RHOBTB1: variants seen among roughly 807,000 people sequenced by gnomAD.
The protein encoded by RHOBTB1 is Rho related BTB domain containing 1.
RHOBTB1 carries 40 observed loss-of-function variants against 71.6 expected under a neutral mutation model. The ratio of observed to expected loss-of-function variants is 0.56; its 90% CI spans 0.43 to 0.73. The LOEUF is 0.73. Ranked by LOEUF, RHOBTB1 falls within the 30% of genes least tolerant of loss-of-function variation. The probability of loss-of-function intolerance (pLI) is 0.00; values close to 1 mark genes in which losing one functional copy is unlikely to be tolerated. For synonymous variants in RHOBTB1, 319 were observed against 334.9 expected, an observed-to-expected ratio of 0.95 and a Z score of 0.52; for missense variants, 797 against 894.0, an observed-to-expected ratio of 0.89 and a Z score of 1.38.
chr10:60,903,852 G>A (rs531398953), intron 4 of RHOBTB1, among the ~76,000 whole-genome samples: 9 of 152,246 alleles, frequency 5.9e-5, no homozygotes, highest in Admixed American at 2.0e-4. Flanking sequence ...AGTGATTTAC[G>A]TTTTCAACGA....
At chr10:60,862,341 G>T in the RHOBTB1 span, among the ~76,000 whole-genome samples, 1 of 152,010 alleles carries the variant, frequency 6.6e-6, no homozygotes, top group African/African-American at 2.4e-5. Flanking sequence ...GAGACTACAG[G>T]TGCCTGCCAC....
At chr10:60,940,127 C>T (rs780722615) in intron 2 of RHOBTB1, among the ~76,000 whole-genome samples, 2 of 151,992 alleles carry the variant, frequency 1.3e-5, no homozygotes, top group South Asian at 2.1e-4. Flanking sequence ...ACAGGACAGA[C>T]GTGTTATAGG....
chr10:60,967,501 A>C (rs2086011830), intron 2 of RHOBTB1, among the ~76,000 whole-genome samples: 1 of 152,000 alleles, frequency 6.6e-6, no homozygotes, highest in African/African-American at 2.4e-5. Context: ...TTCCCTCAAA[A>C]AACAGACCGG....
rs544427831 is a variant in RHOBTB1 at position 60,870,335 on chromosome 10, G to C, written c.*1147C>G. On this transcript the variant is annotated 3_prime_UTR_variant, in exon 11 of 11. Transcript: ENST00000337910. ...CCTTTCCGTGTAGGAGAACGCAGGC[G>C]CCCAGCCTCCAGCTTTGTGCTTTCA... 1.3e-5 allele frequency: 2 copies of C among 152,614 alleles called. No homozygotes were observed. The highest frequency in any genetic ancestry group is 1.9e-4 in the East Asian group (1 of 5,200). 9.5% of individuals were successfully genotyped at this position (152,614 alleles called of 1,614,324 possible). A position where few individuals can be genotyped will look rare whatever the true frequency, so the allele number is the denominator to read the frequency against.
intron 4 of RHOBTB1, among the ~76,000 whole-genome samples, chr10:60,894,662 T>G (rs1274454537): frequency 6.6e-6 from 1 of 152,160 alleles, no homozygotes; most frequent in Non-Finnish European, 1.5e-5. Context: ...ATAAGCTTCA[T>G]CCTGAACACA....
At chr10:60,992,334 A>C (rs1201877790) in intron 1 of RHOBTB1, among the ~76,000 whole-genome samples, 1 of 152,178 alleles carries the variant, frequency 6.6e-6, no homozygotes, top group Non-Finnish European at 1.5e-5. Flanking sequence ...TAAGATATGA[A>C]GGTAGTATTT....
chr10:60,890,192 T>G, intron 5 of RHOBTB1, among the ~76,000 whole-genome samples: 1 of 152,152 alleles, frequency 6.6e-6, no homozygotes, highest in East Asian at 1.9e-4. Flanking sequence ...GTTGGATTTG[T>G]GAATTCTCTT....
chr10:60,915,887 C>T (rs2083246840), intron 2 of RHOBTB1, among the ~76,000 whole-genome samples: 1 of 152,168 alleles, frequency 6.6e-6, no homozygotes, highest in Admixed American at 6.6e-5. Context: ...TTTCTTCTCT[C>T]CTTCAGTGCC....
intron 7 of RHOBTB1, among the ~76,000 whole-genome samples, chr10:60,882,252 A>G (rs2081361446): frequency 6.6e-6 from 1 of 151,986 alleles, no homozygotes; most frequent in Non-Finnish European, 1.5e-5. Context: ...ACCCTAAACA[A>G]TGTTCTATCT....
In RHOBTB1 at chr10:60,871,463, G is replaced by GT. The variant is rs201792671; in HGVS notation, c.*18dup. On this transcript the variant is annotated 3_prime_UTR_variant, in exon 11 of 11. Transcript: ENST00000337910. Reference sequence around the variant, plus strand: ...GATTACCGATTGGTTTCTGTTTTTTGTTTTTTTTCTCTTCCTCTTCAGGCC... The same window carrying GT: ...GATTACCGATTGGTTTCTGTTTTTTGTTTTTTTTTCTCTTCCTCTTCAGGCC... 229 of 1,604,606 alleles carry GT rather than the reference G, an allele frequency of 1.4e-4. 1 individual carries two copies. In the East Asian group the frequency reaches 2.7e-3, roughly 19 times the overall value.
downstream of RHOBTB1, among the ~76,000 whole-genome samples, chr10:60,867,593 C>G (rs2080641741): frequency 6.6e-6 from 1 of 152,184 alleles, no homozygotes; most frequent in Non-Finnish European, 1.5e-5. Context: ...GGTTTCCACC[C>G]AAGAGTTATC....
At chr10:60,864,665 A>G (rs992974665), downstream of RHOBTB1, among the ~76,000 whole-genome samples, 1 of 152,068 alleles carries the variant, frequency 6.6e-6, no homozygotes, top group Non-Finnish European at 1.5e-5. Flanking sequence ...TAAAAATTTC[A>G]GATGACTACT....
chr10:60,861,860 C>A, the RHOBTB1 span, among the ~76,000 whole-genome samples: 31 of 152,288 alleles, frequency 2.0e-4, no homozygotes, highest in Middle Eastern at 6.8e-3. Flanking sequence ...ATCTAATGGT[C>A]AATAAAACCA....
At position 60,888,613 on chromosome 10, in the gene RHOBTB1, CTCT is replaced by C. The variant is rs1564812171; in HGVS notation, c.1052_1054del (p.Lys351del). The C allele has an allele frequency of 1.2e-6, 2 of 1,614,228 alleles. No individual in the cohort carries two copies. The highest frequency in any genetic ancestry group is 3.3e-5 in the Admixed American group (2 of 60,024). On this transcript the variant is annotated inframe_deletion, in exon 6 of 11. Transcript: ENST00000337910. The stretch of plus-strand genomic sequence containing the variant: ...TTCCAGCCCCAGAGCCTCCACCAGG[CTCT>C]TGTTTGAAGACTTCCACTGGTCGGC...
intron 2 of RHOBTB1, among the ~76,000 whole-genome samples, chr10:60,940,669 G>A (rs78626044): frequency 0.047 from 7,228 of 152,266 alleles, 291 homozygotes; most frequent in African/African-American, 0.11. Context: ...AGCGGTTCTG[G>A]ATGACTACAT....
chr10:60,974,481 A>G (rs1429098650), intron 2 of RHOBTB1, among the ~76,000 whole-genome samples: 1 of 152,128 alleles, frequency 6.6e-6, no homozygotes, highest in African/African-American at 2.4e-5. Flanking sequence ...TCATTTTAAA[A>G]TCAGACTCCA....
downstream of RHOBTB1, among the ~76,000 whole-genome samples, chr10:60,865,460 A>G (rs1173647410): frequency 2.0e-5 from 3 of 152,234 alleles, no homozygotes; most frequent in Non-Finnish European, 4.4e-5. Context: ...TTTTAAACGC[A>G]GAAAAACAGG....
intron 1 of RHOBTB1, among the ~76,000 whole-genome samples, chr10:60,991,735 C>T (rs907955097): frequency 6.6e-6 from 1 of 152,114 alleles, no homozygotes; most frequent in Non-Finnish European, 1.5e-5. Flanking sequence ...CCGACCTTCC[C>T]TCAGTCTTTC....
chr10:60,952,068 C>G (rs1292635235), intron 2 of RHOBTB1, among the ~76,000 whole-genome samples: 1 of 150,684 alleles, frequency 6.6e-6, no homozygotes, highest in Admixed American at 6.6e-5. Flanking sequence ...AGCCCCCCAC[C>G]CCCCCAAAAA....
Sources: gnomAD v4.1 joint callset for allele counts (sites outside exome capture counted in the v4.1 genomes callset) on GRCh38, gnomAD v4.1.1 for gene constraint, MANE v1.5 for transcripts, NCBI Gene and HGNC (gene_info 2026-07-23, HGNC 2026-07-21) for gene names.